The following CAMKK2 variants were observed in gnomAD, a reference collection of about 807,000 sequenced individuals.
CAMKK2 encodes the protein calcium/calmodulin-dependent protein kinase kinase 2.
In CAMKK2, 30 loss-of-function variants were observed where a neutral mutation model predicts 67.2. The observed-to-expected ratio is 0.45, with a 90% confidence interval of 0.33 to 0.61. The LOEUF (loss-of-function observed/expected upper bound fraction) is 0.61. Among genes scored for constraint, CAMKK2 ranks in the 20% least tolerant of loss-of-function variants. CAMKK2 has a pLI of 0.02. For synonymous variants in CAMKK2, 322 were observed against 326.2 expected (o/e 0.99, Z 0.14); for missense variants, 643 against 802.0 (o/e 0.80, Z 2.39).
At chr12:121,296,985 G>A (rs1901420829), upstream of CAMKK2, 2 of 152,962 alleles carry the variant, frequency 1.3e-5, no homozygotes, top group African/African-American at 2.4e-5. This position sits in a 1 kb window ranked among gnomAD's most constrained non-coding sequence, Gnocchi z 7.1. Context: ...AGCAGAAAGG[G>A]AGGAGGCGAA....
chr12:121,268,624 C>T lies in CAMKK2; in HGVS notation c.625+14G>A. ...CAGCCCCTGTACCTAACAACAAAGG[C>T]CCGCCAAACTCACGTGGAAAGCCGG... On this transcript the variant is annotated intron_variant, in intron 5 of 16. Coordinates refer to ENST00000404169, the MANE Select transcript of CAMKK2 (RefSeq NM_001270485.2). 1 of 1,613,594 alleles carries T rather than the reference C, an allele frequency of 6.2e-7. No homozygotes were observed. The highest frequency in any genetic ancestry group is 8.5e-7 in the Non-Finnish European group (1 of 1,179,552).
chr12:121,265,832 T>C lies in CAMKK2; in HGVS notation c.626-1893A>G, dbSNP rs188189807. Among the ~76,000 whole-genome samples the C allele has an allele frequency of 4.0e-3, 608 of 151,070 alleles. 7 individuals carry two copies. The highest frequency in any genetic ancestry group is 0.017 in the Middle Eastern group (5 of 288). ...AAGATAGCACCACTGTACTCCAGCC[T>C]GGTGACAGAGTGAGACTCTGTGACT... On this transcript the variant is annotated intron_variant, in intron 5 of 16. Transcript: ENST00000404169.
chr12:121,275,883 C>T (rs1896698891), intron 1 of CAMKK2, among the ~76,000 whole-genome samples: 1 of 152,154 alleles, frequency 6.6e-6, no homozygotes, highest in Non-Finnish European at 1.5e-5. Flanking sequence ...TAAAAAAGGC[C>T]AGGCACGGCA....
intron 11 of CAMKK2, 68 bp downstream of exon 11, chr12:121,252,593 C>G: frequency 2.1e-6 from 3 of 1,453,198 alleles, no homozygotes; most frequent in Non-Finnish European, 2.9e-6. Context: ...ACTGTCTCCC[C>G]GCAAGGGTGA....
intron 1 of CAMKK2, among the ~76,000 whole-genome samples, chr12:121,283,904 A>C (rs1818937561): frequency 6.6e-6 from 1 of 152,252 alleles, no homozygotes; most frequent in Admixed American, 6.5e-5. Context: ...GCAAATTTAC[A>C]GATTTTCTTG....
intron 1 of CAMKK2, among the ~76,000 whole-genome samples, chr12:121,290,743 G>T (rs1899830721): frequency 6.6e-6 from 1 of 152,156 alleles, no homozygotes; most frequent in African/African-American, 2.4e-5. Flanking sequence ...ATAAAACCAA[G>T]ACTGTCCCTG....
chr12:121,269,685 T>A (rs79246548), intron 3 of CAMKK2, 104 bp from the exon 4 acceptor site: 39,187 of 847,980 alleles, frequency 0.046, 1,216 homozygotes, highest in South Asian at 0.094. Flanking sequence ...TGGTCAAATC[T>A]GTCCCGCAAC....
intron 1 of CAMKK2, among the ~76,000 whole-genome samples, chr12:121,293,349 T>G (rs367673942): frequency 7.9e-5 from 12 of 152,132 alleles, no homozygotes; most frequent in East Asian, 5.8e-4. Flanking sequence ...AAATCTGAAA[T>G]AGCATTTGCC....
chr12:121,253,562 TGG>T lies in CAMKK2; in HGVS notation c.908-92_908-91del. 2 of 1,105,240 alleles carry T rather than the reference TGG, an allele frequency of 1.8e-6. No individual in the cohort carries two copies. The highest frequency in any genetic ancestry group is 2.8e-6 in the Non-Finnish European group (2 of 726,780). The allele number at this position is 1,105,240 out of a possible 1,614,324, so 68.5% of individuals were successfully genotyped here. A position where few individuals can be genotyped will look rare whatever the true frequency, so the allele number is the denominator to read the frequency against. Reference sequence around the variant, plus strand: ...GCCACATGGCCTGGAGACACAGGCATGGCACCCCTCTGATGCCTTGTCTCCCA... The same window carrying T: ...GCCACATGGCCTGGAGACACAGGCATCACCCCTCTGATGCCTTGTCTCCCA... On this transcript the variant is annotated intron_variant, in intron 9 of 16. Coordinates refer to ENST00000404169, the MANE Select transcript of CAMKK2 (RefSeq NM_001270485.2). This position sits in a 1 kb window ranked among gnomAD's most constrained non-coding sequence, Gnocchi z 5.0.
chr12:121,255,481 C>T, intron 9 of CAMKK2, 69 bp downstream of exon 9: 1 of 1,330,900 alleles, frequency 7.5e-7, no homozygotes. Context: ...AAGACACTTT[C>T]CACTTTGCAC....
intron 16 of CAMKK2, chr12:121,244,050 C>T: frequency 6.3e-7 from 1 of 1,592,264 alleles, no homozygotes; most frequent in Non-Finnish European, 8.6e-7. Flanking sequence ...TGGCTGACAG[C>T]AAGAAGGTCT....
intron 14 of CAMKK2, 93 bp downstream of exon 14, chr12:121,248,513 T>C (rs1593285775): frequency 6.7e-7 from 1 of 1,496,550 alleles, no homozygotes; most frequent in Non-Finnish European, 9.2e-7. Context: ...GACATCTGAC[T>C]CCCGGGCACC....
At chr12:121,276,552 C>T (rs933702784) in intron 1 of CAMKK2, among the ~76,000 whole-genome samples, 1 of 152,194 alleles carries the variant, frequency 6.6e-6, no homozygotes, top group Non-Finnish European at 1.5e-5. Context: ...TTAACCTTTG[C>T]TTAACGTGTT....
intron 1 of CAMKK2, among the ~76,000 whole-genome samples, chr12:121,282,280 A>G (rs1233898687): frequency 6.6e-6 from 1 of 152,078 alleles, no homozygotes; most frequent in Admixed American, 6.6e-5. Flanking sequence ...GAAGGGCTAC[A>G]GCTTTGTGGG....
At chr12:121,264,504 G>T (rs1894115378) in intron 5 of CAMKK2, among the ~76,000 whole-genome samples, 1 of 152,056 alleles carries the variant, frequency 6.6e-6, no homozygotes, top group Non-Finnish European at 1.5e-5. Context: ...GCCGGGCACA[G>T]TGCCTCATGC....
intron 11 of CAMKK2, among the ~76,000 whole-genome samples, chr12:121,250,547 G>A (rs530270863): frequency 2.0e-5 from 3 of 152,254 alleles, no homozygotes; most frequent in African/African-American, 7.2e-5. Context: ...GCAGGTGTCT[G>A]ACTAAAGCTC....
intron 1 of CAMKK2, among the ~76,000 whole-genome samples, chr12:121,284,214 G>A (rs1847157256): frequency 6.6e-6 from 1 of 152,262 alleles, no homozygotes; most frequent in South Asian, 2.1e-4. Flanking sequence ...TTCCACCAAT[G>A]AGGAAAATGA....
rs765887717 is a variant in CAMKK2 at position 121,274,411 on chromosome 12, C to T, written c.116G>A (p.Gly39Asp). The change falls in exon 2 of 17, where the codon GGC becomes GAC. Residue 39 changes from glycine to aspartate, a missense_variant. Transcript: ENST00000404169. Reference protein sequence around the residue: ...ESQKPCEALRGLSSLSIHLGM... With the variant: ...ESQKPCEALRDLSSLSIHLGM... ...CAGGTGGATGCTCAAGGATGAGAGG[C>T]CCCGCAGGGCCTCACAGGGCTTCTG... 1.2e-6 allele frequency: 2 copies of T among 1,613,264 alleles called. No individual in the cohort carries two copies. The highest frequency in any genetic ancestry group is 1.7e-6 in the Non-Finnish European group (2 of 1,179,918).
chr12:121,287,465 C>G (rs928176086), intron 1 of CAMKK2, among the ~76,000 whole-genome samples: 4 of 152,050 alleles, frequency 2.6e-5, no homozygotes, highest in Non-Finnish European at 5.9e-5. Flanking sequence ...GGCAGCCCAG[C>G]AGGCTCGCAG....
Sources: allele counts gnomAD v4.1 joint callset (sites outside exome capture counted in the v4.1 genomes callset), GRCh38; gene constraint gnomAD v4.1.1; non-coding constraint Gnocchi (gnomAD v3.1); transcripts MANE v1.5; gene names NCBI Gene and HGNC (gene_info 2026-07-23, HGNC 2026-07-21).